Variants in G2E3 observed in about 807,000 individuals in gnomAD.
The protein encoded by G2E3 is G2/M-phase specific E3 ubiquitin protein ligase, also known as G2/M phase-specific E3 ubiquitin-protein ligase.
G2E3 carries 35 observed loss-of-function variants against 92.8 expected under a neutral mutation model. That is an observed-to-expected ratio of 0.38 (90% CI 0.29 to 0.50). The LOEUF is 0.50. Among genes scored for constraint, G2E3 ranks in the 20% least tolerant of loss-of-function variants. The pLI, the probability that G2E3 is intolerant of heterozygous loss-of-function variation, is 0.94. For missense variants in G2E3, 554 were observed against 823.8 expected (o/e 0.67, Z 4.01); for synonymous variants, 242 against 272.4 (o/e 0.89, Z 1.10).
rs1374595325 is a variant in G2E3, at chr14:30,589,584, T to A, written c.237+100T>A. On this transcript the variant is annotated intron_variant, in intron 4 of 14. Coordinates refer to ENST00000206595, the MANE Select transcript of G2E3 (RefSeq NM_017769.5). ...TGTACTAGAAATTTATGACTTTGAT[T>A]ATAGGTTTCAATGCATATTTTGTCA... The A allele has an allele frequency of 4.5e-6, 3 of 659,758 alleles. No homozygotes were observed. The East Asian group carries it at 7.7e-5, about 17-fold the overall frequency. 40.9% of individuals were successfully genotyped at this position (659,758 alleles called of 1,614,324 possible). A position where few individuals can be genotyped will look rare whatever the true frequency, so the allele number is the denominator to read the frequency against.
chr14:30,589,314 G>A, intron 3 of G2E3, 69 bp from the exon 4 acceptor site: 1 of 844,146 alleles, frequency 1.2e-6, no homozygotes, highest in South Asian at 1.4e-5. Flanking sequence ...TGAATAGTAT[G>A]GATATATATT....
At chr14:30,561,698 T>C (rs1255503942) in intron 1 of G2E3, among the ~76,000 whole-genome samples, 1 of 152,256 alleles carries the variant, frequency 6.6e-6, no homozygotes, top group Non-Finnish European at 1.5e-5. Flanking sequence ...AGTGCGAGAC[T>C]GCCCTTGTCC....
chr14:30,567,460 T>C (rs998435564), intron 1 of G2E3, among the ~76,000 whole-genome samples: 16 of 152,130 alleles, frequency 1.1e-4, no homozygotes, highest in Non-Finnish European at 5.9e-5. Context: ...AATAGTCTCA[T>C]TTAATTCTTT....
rs188334741 is a variant in G2E3, at chr14:30,612,005, C to A, written c.1501-202C>A. 6.1e-5 allele frequency: 29 copies of A among 478,810 alleles called. No individual in the cohort carries two copies. The South Asian group carries it at 7.0e-4, about 12-fold the overall frequency. 29.7% of individuals were successfully genotyped at this position (478,810 alleles called of 1,614,324 possible). A position where few individuals can be genotyped will look rare whatever the true frequency, so the allele number is the denominator to read the frequency against. On this transcript the variant is annotated intron_variant, in intron 12 of 14. Coordinates refer to ENST00000206595, the MANE Select transcript of G2E3 (RefSeq NM_017769.5). ...TCACGTAGTAAAGTGGCATTATACT[C>A]TGGATTTCTTGAAGGCAGAAATAGA...
In G2E3 at chr14:30,601,822, G is replaced by T; in HGVS notation, c.805G>T (p.Ala269Ser). The T allele has an allele frequency of 3.7e-6, 6 of 1,613,750 alleles. No homozygotes were observed. The highest frequency in any genetic ancestry group is 5.1e-6 in the Non-Finnish European group (6 of 1,179,688). The change falls in exon 9 of 15, where the codon GCC becomes TCC. Residue 269 changes from alanine to serine, a missense_variant. By Grantham distance (99) the Ala-to-Ser change is moderately conservative (BLOSUM62 1). Transcript: ENST00000206595. ...TTGTGGTTCCAGTGGCACACATTTA[G>T]CCTGCTCCTCATTACGGTCATGGGA... ...QCCGSSGTHL[A>S]CSSLRSWEQN...
At chr14:30,589,509 G>GTAA (rs1198972337) in intron 4 of G2E3, 25 bp downstream of exon 4, 3 of 1,133,868 alleles carry the variant, frequency 2.6e-6, no homozygotes, top group Non-Finnish European at 4.0e-6. Context: ...TTACTATTAA[G>GTAA]TAATGTCATA....
intron 13 of G2E3, among the ~76,000 whole-genome samples, chr14:30,612,580 A>T (rs1269471481): frequency 6.8e-6 from 1 of 147,626 alleles, no homozygotes; most frequent in Non-Finnish European, 1.5e-5. Context: ...TAGGTCGGGC[A>T]TGGTGGCTCA....
chr14:30,569,097 C>CA (rs1202321710), intron 1 of G2E3, among the ~76,000 whole-genome samples: 1 of 151,900 alleles, frequency 6.6e-6, no homozygotes, highest in East Asian at 1.9e-4. Context: ...ATATATATGC[C>CA]AAATATATTT....
chr14:30,596,404 C>G (rs1048716470), intron 6 of G2E3, among the ~76,000 whole-genome samples: 1 of 152,120 alleles, frequency 6.6e-6, no homozygotes, highest in East Asian at 1.9e-4. Flanking sequence ...TTTAACTTAC[C>G]TACCTAGCCT....
At position 30,566,803 on chromosome 14, in the gene G2E3, T is replaced by G. The variant is rs145113929; in HGVS notation, c.-5+7531T>G. ...TCTTAGGTGGAAAGTGTGCAGTCTT[T>G]CACTGATAATTATGTTAATTACAGG... On this transcript the variant is annotated intron_variant, in intron 1 of 14. Transcript: ENST00000206595. Among the ~76,000 whole-genome samples, 9 of 152,340 alleles carry G rather than the reference T, an allele frequency of 5.9e-5. No homozygotes were observed. The East Asian group carries it at 1.3e-3, about 23-fold the overall frequency.
At position 30,619,106 on chromosome 14, in the gene G2E3, T is replaced by C; in HGVS notation, c.*2572T>C. ...CACCTTTTATACAATTCTCTACTAT[T>C]CAAGATATTCTTTAAAATATCTCAC... is the stretch of plus-strand genomic sequence containing the variant. On this transcript the variant is annotated 3_prime_UTR_variant, in exon 15 of 15. Transcript: ENST00000206595. The C allele has an allele frequency of 6.6e-6, 1 of 152,126 alleles. No individual in the cohort carries two copies. The highest frequency in any genetic ancestry group is 1.9e-4 in the East Asian group (1 of 5,200). The allele number at this position is 152,126 out of a possible 1,614,324, so 9.4% of individuals were successfully genotyped here. A position where few individuals can be genotyped will look rare whatever the true frequency, so the allele number is the denominator to read the frequency against.
chr14:30,594,200 T>G (rs1457176259), intron 6 of G2E3, among the ~76,000 whole-genome samples: 5 of 152,214 alleles, frequency 3.3e-5, no homozygotes, highest in Non-Finnish European at 7.3e-5. Context: ...ATTAGACAAT[T>G]TAATAATTCT....
chr14:30,560,735 A>G, intron 1 of G2E3: 1 of 698,010 alleles, frequency 1.4e-6, no homozygotes, highest in Non-Finnish European at 2.6e-6. Context: ...TGTATACACT[A>G]CCTTGAAGGA....
chr14:30,591,654 T>A (rs1881019171), intron 4 of G2E3, among the ~76,000 whole-genome samples: 3 of 152,182 alleles, frequency 2.0e-5, no homozygotes. Flanking sequence ...TTTCTCTGTA[T>A]ATGCCTGTGT....
chr14:30,576,964 C>T (rs1027847605), intron 1 of G2E3, among the ~76,000 whole-genome samples: 9 of 152,092 alleles, frequency 5.9e-5, no homozygotes, highest in Non-Finnish European at 1.0e-4. Context: ...CGATGGCTCA[C>T]ACCTGTAATC....
chr14:30,583,371 C>G (rs1210771196), intron 2 of G2E3, among the ~76,000 whole-genome samples: 1 of 152,086 alleles, frequency 6.6e-6, no homozygotes, highest in Non-Finnish European at 1.5e-5. Flanking sequence ...TACTATTATC[C>G]TCATTTTTAT....
At chr14:30,590,673 G>C (rs780967936) in intron 4 of G2E3, 1 of 455,866 alleles carries the variant, frequency 2.2e-6, no homozygotes, top group South Asian at 1.5e-5. Flanking sequence ...AGGTAGGAGA[G>C]TTAATGGTAA....
At chr14:30,566,209 T>C (rs1879428189) in intron 1 of G2E3, among the ~76,000 whole-genome samples, 1 of 152,186 alleles carries the variant, frequency 6.6e-6, no homozygotes, top group Non-Finnish European at 1.5e-5. Context: ...CTCCAACTTT[T>C]TCTTTTTGGG....
In G2E3 at chr14:30,590,619, T is replaced by C. The variant is rs535951545; in HGVS notation, c.237+1135T>C. The C allele has an allele frequency of 3.1e-5, 14 of 454,570 alleles. No homozygotes were observed. In the Middle Eastern group the frequency reaches 1.3e-3, roughly 42 times the overall value. 28.2% of individuals were successfully genotyped at this position (454,570 alleles called of 1,614,324 possible). A position where few individuals can be genotyped will look rare whatever the true frequency, so the allele number is the denominator to read the frequency against. ...ACATAAGAAACATTTATTCTTTTAG[T>C]TGAGGCAAAGAAGTGGAGGCAATTA... On this transcript the variant is annotated intron_variant, in intron 4 of 14. Transcript: ENST00000206595.
Sources: allele counts gnomAD v4.1 joint callset (sites outside exome capture counted in the v4.1 genomes callset), GRCh38; gene constraint gnomAD v4.1.1; transcripts MANE v1.5; gene names NCBI Gene and HGNC (gene_info 2026-07-23, HGNC 2026-07-21).